The following RNF6 variants were observed in gnomAD, a reference collection of about 807,000 sequenced individuals.
RNF6 encodes ring finger protein 6.
Under a neutral mutation model 50.1 loss-of-function variants are expected in RNF6, and 21 were observed. The observed-to-expected ratio is 0.42, with a 90% CI of 0.30 to 0.60. RNF6 has a LOEUF of 0.60. Ranked by LOEUF, RNF6 falls within the 20% of genes least tolerant of loss-of-function variation. The probability of loss-of-function intolerance (pLI) is 0.20; values close to 1 mark genes in which losing one functional copy is unlikely to be tolerated. For synonymous variants in RNF6, 255 were observed against 291.8 expected (o/e 0.87, Z 1.29); for missense variants, 698 against 838.2 (o/e 0.83, Z 2.07).
chr13:26,222,252 C>G lies in RNF6; in HGVS notation c.-351G>C, dbSNP rs1870596167. ...GCCCCAGCCCTTCTTTCCCGACAGC[C>G]ACGCCGCCCACTTGGCGGCGGGGAG... On this transcript the variant is annotated 5_prime_UTR_variant, in exon 1 of 5. Coordinates refer to ENST00000381588, the MANE Select transcript of RNF6 (RefSeq NM_005977.4). 1 of 152,326 alleles carries G rather than the reference C, an allele frequency of 6.6e-6. No homozygotes were observed. The allele number at this position is 152,326 out of a possible 1,614,324, so 9.4% of individuals were successfully genotyped here. A position where few individuals can be genotyped will look rare whatever the true frequency, so the allele number is the denominator to read the frequency against.
At chr13:26,164,461 C>A (rs1012995461) in intron 5 of RNF6, among the ~76,000 whole-genome samples, 1 of 151,902 alleles carries the variant, frequency 6.6e-6, no homozygotes, top group African/African-American at 2.4e-5. Flanking sequence ...CTTTTTTAAC[C>A]CTAACCCCTG....
chr13:26,201,403 A>G (rs547133739), intron 5 of RNF6, among the ~76,000 whole-genome samples: 2 of 152,300 alleles, frequency 1.3e-5, no homozygotes, highest in South Asian at 4.1e-4. Context: ...AACCAGGTGG[A>G]ATGGAGGAGG....
chr13:26,201,028 A>G (rs1868878052), intron 5 of RNF6, among the ~76,000 whole-genome samples: 1 of 152,254 alleles, frequency 6.6e-6, no homozygotes, highest in South Asian at 2.1e-4. Flanking sequence ...ATTGCATAAC[A>G]TAAAGATGAA....
In RNF6 at chr13:26,221,348, AG is replaced by A. The variant is rs1286775599; in HGVS notation, c.-101-19del. The A allele has an allele frequency of 6.6e-6, 1 of 152,192 alleles. No individual in the cohort carries two copies. The highest frequency in any genetic ancestry group is 1.5e-5 in the Non-Finnish European group (1 of 68,038). The allele number at this position is 152,192 out of a possible 1,614,324, so 9.4% of individuals were successfully genotyped here. A position where few individuals can be genotyped will look rare whatever the true frequency, so the allele number is the denominator to read the frequency against. On this transcript the variant is annotated intron_variant, in intron 1 of 4. Transcript: ENST00000381588. ...CTGCCCATCTGAAGCAATAAAAGAG[AG>A]TTGAATAATTCAATAAACTGTTTCT...
rs576600182 is a variant in RNF6, at chr13:26,188,863, C to T, written n.768+26611G>A. Among the ~76,000 whole-genome samples, 4 of 151,804 alleles carry T rather than the reference C, an allele frequency of 2.6e-5. No individual in the cohort carries two copies. The East Asian group carries it at 5.9e-4, about 22-fold the overall frequency. ...CAGGATGGTCTCAATCTCTTGACCT[C>T]GTGATCTGCCCACCTTGGCCTCCCA... is the stretch of plus-strand genomic sequence containing the variant. On this transcript the variant is annotated intron_variant and non_coding_transcript_variant, in intron 5 of 5. Coordinates refer to the RNF6 transcript ENST00000468480.
rs771661980 is a variant in RNF6, at chr13:26,214,557, C to A, written c.1325G>T (p.Arg442Leu). The A allele has an allele frequency of 1.5e-5, 25 of 1,614,110 alleles. No homozygotes were observed. The South Asian group carries it at 2.6e-4, about 17-fold the overall frequency. ...VTIESNSGGF[R>L]RTISRLERSG... The stretch of plus-strand genomic sequence containing the variant: ...CCGCTCTAAACGAGAAATGGTTCGG[C>A]GAAAGCCCCCACTATTGCTTTCAAT... Residue 442 changes from arginine (R) to leucine (L), a missense_variant, in exon 5 of 5, where the codon CGC becomes CTC. Physicochemically the swap from Arg to Leu is moderately radical, Grantham distance 102. Coordinates refer to ENST00000381588, the MANE Select transcript of RNF6 (RefSeq NM_005977.4).
intron 5 of RNF6, among the ~76,000 whole-genome samples, chr13:26,198,072 T>TA (rs1336217146): frequency 5.9e-5 from 9 of 151,836 alleles, no homozygotes; most frequent in Non-Finnish European, 1.5e-5. Flanking sequence ...CATACATATG[T>TA]ATATATGTGA....
intron 5 of RNF6, among the ~76,000 whole-genome samples, chr13:26,135,168 G>A (rs1019181835): frequency 6.6e-6 from 1 of 152,118 alleles, no homozygotes; most frequent in African/African-American, 2.4e-5. Context: ...AAAAGCAGTG[G>A]TATATAAGAT....
chr13:26,149,474 C>A (rs1166127646), intron 5 of RNF6, among the ~76,000 whole-genome samples: 1 of 151,920 alleles, frequency 6.6e-6, no homozygotes, highest in African/African-American at 2.4e-5. Flanking sequence ...GTAGTCCCAG[C>A]TACTTGGGAG....
chr13:26,152,778 T>C (rs1316321064), intron 5 of RNF6, among the ~76,000 whole-genome samples: 2 of 152,198 alleles, frequency 1.3e-5, no homozygotes, highest in Non-Finnish European at 2.9e-5. Context: ...AGATCATTGT[T>C]ACAGACATTA....
At chr13:26,168,105 T>TA (rs1364413247) in intron 5 of RNF6, among the ~76,000 whole-genome samples, 10 of 152,178 alleles carry the variant, frequency 6.6e-5, no homozygotes, top group Non-Finnish European at 1.5e-4. Flanking sequence ...GTACTACACT[T>TA]AGTACTTAGG....
At chr13:26,159,347 G>A (rs908399443) in intron 5 of RNF6, among the ~76,000 whole-genome samples, 18 of 152,150 alleles carry the variant, frequency 1.2e-4, no homozygotes, top group Admixed American at 6.5e-4. Flanking sequence ...ATTTATTGCC[G>A]GGTGCGGTGG....
chr13:26,165,254 C>T (rs537597042), intron 5 of RNF6, among the ~76,000 whole-genome samples: 49 of 152,166 alleles, frequency 3.2e-4, no homozygotes, highest in Non-Finnish European at 6.5e-4. Flanking sequence ...GCCAGTGCAC[C>T]GAAGTCAAGA....
rs1475574900 is a variant in RNF6, at chr13:26,213,111, G to C, written c.*713C>G. The C allele has an allele frequency of 6.6e-6, 1 of 152,008 alleles. No homozygotes were observed. Among genetic ancestry groups the C allele is most frequent in the Non-Finnish European group, 1.5e-5 (1 of 68,000 alleles). The allele number at this position is 152,008 out of a possible 1,614,324, so 9.4% of individuals were successfully genotyped here. On this transcript the variant is annotated 3_prime_UTR_variant, in exon 5 of 5. Transcript: ENST00000381588. ...TTTTCAGTATTATATATTGCTTGCT[G>C]TCTAATAAGTTAGATTGTCAGAGAC... is the stretch of plus-strand genomic sequence containing the variant.
At chr13:26,182,096 G>A (rs934905181) in intron 5 of RNF6, among the ~76,000 whole-genome samples, 1 of 152,100 alleles carries the variant, frequency 6.6e-6, no homozygotes, top group African/African-American at 2.4e-5. Context: ...TTGAAAACAC[G>A]TATCTCCAGA....
chr13:26,191,578 A>G (rs1200759169), intron 5 of RNF6, among the ~76,000 whole-genome samples: 2 of 152,108 alleles, frequency 1.3e-5, no homozygotes, highest in Non-Finnish European at 2.9e-5. Flanking sequence ...AGTTCTCACA[A>G]GATCTGATGG....
chr13:26,218,118 C>G (rs1175381762), intron 4 of RNF6, among the ~76,000 whole-genome samples: 1 of 152,148 alleles, frequency 6.6e-6, no homozygotes, highest in East Asian at 1.9e-4. Context: ...TGTAAACCAT[C>G]AAACAGAACA....
At chr13:26,169,354 G>T (rs1481453977) in intron 5 of RNF6, among the ~76,000 whole-genome samples, 2 of 152,058 alleles carry the variant, frequency 1.3e-5, no homozygotes, top group Non-Finnish European at 1.5e-5. Context: ...AGGGGAGGAG[G>T]GCAAGGGGAG....
At chr13:26,209,941 A>G (rs371087941), downstream of RNF6, among the ~76,000 whole-genome samples, 91 of 152,314 alleles carry the variant, frequency 6.0e-4, no homozygotes, top group African/African-American at 2.0e-3. Context: ...GGGCCAACTC[A>G]GAGTCTTCAG....
Sources: gnomAD v4.1 joint callset for allele counts (sites outside exome capture counted in the v4.1 genomes callset) on GRCh38, gnomAD v4.1.1 for gene constraint, MANE v1.5 for transcripts, NCBI Gene and HGNC (gene_info 2026-07-23, HGNC 2026-07-21) for gene names.